KCNC2: variants seen among roughly 807,000 people sequenced by gnomAD.
KCNC2 encodes voltage-gated potassium channel KCNC2.
A neutral mutation model predicts 44.5 loss-of-function variants in KCNC2; 21 were observed. The ratio of observed to expected loss-of-function variants is 0.47; its 90% CI spans 0.33 to 0.68. The LOEUF (loss-of-function observed/expected upper bound fraction) is 0.68. KCNC2 is among the 30% of genes least tolerant of loss of function. The probability of loss-of-function intolerance (pLI) is 0.01; values close to 1 mark genes in which losing one functional copy is unlikely to be tolerated. For missense variants in KCNC2, 589 were observed against 826.2 expected (o/e 0.71, Z 3.52); for synonymous variants, 391 against 339.1 (o/e 1.15, Z -1.68).
intron 2 of KCNC2, among the ~76,000 whole-genome samples, chr12:75,122,664 T>A (rs956381148): frequency 1.3e-4 from 20 of 152,056 alleles, no homozygotes; most frequent in African/African-American, 4.6e-4. Flanking sequence ...ATAAAGACTA[T>A]TACAATTAAA....
chr12:75,126,904 T>C (rs916607934), intron 2 of KCNC2, among the ~76,000 whole-genome samples: 2 of 152,178 alleles, frequency 1.3e-5, no homozygotes, highest in Non-Finnish European at 1.5e-5. Flanking sequence ...CTCTTTTATC[T>C]GTAATTTTCC....
In KCNC2 at chr12:75,042,754, A is replaced by G; in HGVS notation, c.*351T>C. 1 of 1,149,540 alleles carries G rather than the reference A, an allele frequency of 8.7e-7. No homozygotes were observed. The highest frequency in any genetic ancestry group is 1.1e-6 in the Non-Finnish European group (1 of 934,192). The allele number at this position is 1,149,540 out of a possible 1,614,324, so 71.2% of individuals were successfully genotyped here. The stretch of plus-strand genomic sequence containing the variant: ...TTACAGTCACAAGAAATAAAGTTCC[A>G]ATGAAGTGGTTGGCATTTGGAAGCA... On this transcript the variant is annotated 3_prime_UTR_variant, in exon 5 of 5. Transcript: ENST00000549446.
chr12:75,102,660 A>G (rs1213816309), intron 2 of KCNC2, among the ~76,000 whole-genome samples: 1 of 152,050 alleles, frequency 6.6e-6, no homozygotes, highest in East Asian at 1.9e-4. Flanking sequence ...ATATATGCAT[A>G]CGTAATTCCT....
intron 2 of KCNC2, among the ~76,000 whole-genome samples, chr12:75,083,857 T>C (rs909980526): frequency 1.3e-5 from 2 of 151,946 alleles, no homozygotes; most frequent in Non-Finnish European, 2.9e-5. Context: ...TACTATACAA[T>C]AATTAGTAAA....
intron 1 of KCNC2, 101 bp from the exon 2 acceptor site, chr12:75,208,103 T>C: frequency 7.1e-7 from 1 of 1,410,254 alleles, no homozygotes; most frequent in South Asian, 1.2e-5. Flanking sequence ...GATGCAGAGT[T>C]GGCAGACAGG....
At chr12:75,091,265 T>A (rs967555243) in intron 2 of KCNC2, among the ~76,000 whole-genome samples, 2 of 151,750 alleles carry the variant, frequency 1.3e-5, no homozygotes, top group African/African-American at 4.8e-5. Context: ...TCATTTGAAT[T>A]TTTTTTATTC....
At chr12:75,159,039 G>C (rs2137512873) in intron 2 of KCNC2, among the ~76,000 whole-genome samples, 1 of 147,782 alleles carries the variant, frequency 6.8e-6, no homozygotes, top group Non-Finnish European at 1.5e-5. Flanking sequence ...AACACCGCAT[G>C]TTCTCTCTCC....
chr12:75,113,796 T>C (rs1047533131), intron 2 of KCNC2, among the ~76,000 whole-genome samples: 1 of 152,210 alleles, frequency 6.6e-6, no homozygotes, highest in Non-Finnish European at 1.5e-5. Context: ...GTCTTGTCCA[T>C]GTCCTTTACA....
chr12:75,135,893 AT>A (rs1333372329), intron 2 of KCNC2, among the ~76,000 whole-genome samples: 1 of 152,016 alleles, frequency 6.6e-6, no homozygotes, highest in Non-Finnish European at 1.5e-5. Flanking sequence ...CTAATTTAGC[AT>A]GGTTTTCCCC....
intron 2 of KCNC2, among the ~76,000 whole-genome samples, chr12:75,097,112 C>T (rs542925493): frequency 1.3e-5 from 2 of 151,972 alleles, no homozygotes; most frequent in Non-Finnish European, 2.9e-5. Context: ...AATTAAAGGA[C>T]CTTAAATGTA....
rs143773012 is a variant in KCNC2, at chr12:75,091,467, T to A, written c.688-40150A>T. ...GAATTTCAGCTTTCTTCGTACATAG[T>A]TCTGTTTTGAGAAGCAATAAAATAA... On this transcript the variant is annotated intron_variant, in intron 2 of 4. Coordinates refer to ENST00000549446, the MANE Select transcript of KCNC2 (RefSeq NM_139137.4). 3.1e-3 allele frequency among the ~76,000 whole-genome samples: 464 copies of A among 151,776 alleles called. 3 individuals carry two copies. The highest frequency in any genetic ancestry group is 0.01 in the African/African-American group (419 of 41,496).
Position 75,054,930 on chromosome 12 carries a change from T to C in KCNC2, c.688-3613A>G, listed in dbSNP as rs548122215. On this transcript the variant is annotated intron_variant, in intron 2 of 4. Transcript: ENST00000549446. The stretch of plus-strand genomic sequence containing the variant: ...AAGACTTGGTGCGCTTTATCTGAAC[T>C]TAATTCTAAGCTCTTTGGATATAAA... 9.8e-5 allele frequency among the ~76,000 whole-genome samples: 15 copies of C among 152,324 alleles called. No individual in the cohort carries two copies. The South Asian group carries it at 3.1e-3, about 32-fold the overall frequency.
Position 75,117,086 on chromosome 12 carries a change from G to A in KCNC2, c.688-65769C>T, listed in dbSNP as rs181968829. ...AGTAATTGGGCTTTCTTGCATTGTGGTTTAAAAAAAAAATAAAGGAAAGAG... is the reference window on the plus strand; with the variant it reads ...AGTAATTGGGCTTTCTTGCATTGTGATTTAAAAAAAAAATAAAGGAAAGAG... On this transcript the variant is annotated intron_variant, in intron 2 of 4. Coordinates refer to ENST00000549446, the MANE Select transcript of KCNC2 (RefSeq NM_139137.4). Among the ~76,000 whole-genome samples, 22 of 138,384 alleles carry A rather than the reference G, an allele frequency of 1.6e-4. 1 individual carries two copies. The East Asian group carries it at 4.2e-3, about 26-fold the overall frequency. 90.8% of individuals were successfully genotyped at this position (138,384 alleles called of 152,430 possible).
intron 2 of KCNC2, among the ~76,000 whole-genome samples, chr12:75,105,635 T>C (rs919120518): frequency 1.3e-5 from 2 of 152,186 alleles, no homozygotes; most frequent in Admixed American, 1.3e-4. Context: ...CAGAATTTCC[T>C]AAGGAATCGA....
chr12:75,166,563 G>T (rs1891468731), intron 2 of KCNC2, among the ~76,000 whole-genome samples: 1 of 150,972 alleles, frequency 6.6e-6, no homozygotes, highest in South Asian at 2.1e-4. Flanking sequence ...TATGGTAGAG[G>T]AAATATAAGT....
intron 2 of KCNC2, among the ~76,000 whole-genome samples, chr12:75,092,572 T>A (rs1565847736): frequency 6.6e-6 from 1 of 151,756 alleles, no homozygotes; most frequent in African/African-American, 2.4e-5. Context: ...CTTATATAAA[T>A]ATCTTCAAGG....
intron 2 of KCNC2, among the ~76,000 whole-genome samples, chr12:75,110,571 T>G (rs528060339): frequency 1.3e-5 from 2 of 152,138 alleles, no homozygotes; most frequent in Admixed American, 6.5e-5. Flanking sequence ...GATCTTGGAA[T>G]AGGAAATGGT....
intron 2 of KCNC2, among the ~76,000 whole-genome samples, chr12:75,069,326 G>A (rs1231369280): frequency 1.3e-5 from 2 of 151,386 alleles, no homozygotes; most frequent in African/African-American, 2.4e-5. Context: ...AGTAGAGATG[G>A]GATTTCTCCA....
At chr12:75,153,539 GCTA>G (rs1890553775) in intron 2 of KCNC2, among the ~76,000 whole-genome samples, 2 of 151,594 alleles carry the variant, frequency 1.3e-5, no homozygotes, top group African/African-American at 4.8e-5. Flanking sequence ...CTTAGTGATA[GCTA>G]CACTAAAAGC....
Sources: gnomAD v4.1 joint callset for allele counts (sites outside exome capture counted in the v4.1 genomes callset) on GRCh38, gnomAD v4.1.1 for gene constraint, MANE v1.5 for transcripts, NCBI Gene and HGNC (gene_info 2026-07-23, HGNC 2026-07-21) for gene names.